Variants in OPCML observed in about 807,000 individuals in gnomAD.
OPCML encodes opioid-binding protein/cell adhesion molecule.
A neutral mutation model predicts 37.8 loss-of-function variants in OPCML; 13 were observed. The ratio of observed to expected loss-of-function variants is 0.34; its 90% confidence interval spans 0.22 to 0.55. OPCML has a LOEUF of 0.55. OPCML is among the 20% of genes least tolerant of loss of function. OPCML has a pLI of 0.91. For synonymous variants in OPCML, 176 were observed against 168.8 expected, an observed-to-expected ratio of 1.04 and a Z score of -0.33; for missense variants, 341 against 435.6, an observed-to-expected ratio of 0.78 and a Z score of 1.93.
intron 1 of OPCML, among the ~76,000 whole-genome samples, chr11:133,144,603 G>A (rs956622265): frequency 6.6e-6 from 1 of 152,192 alleles, no homozygotes; most frequent in East Asian, 1.9e-4. Context: ...CACAGTCAAA[G>A]CTTCGTAAGC....
chr11:132,817,677 A>T (rs1939709968), intron 2 of OPCML, among the ~76,000 whole-genome samples: 1 of 152,104 alleles, frequency 6.6e-6, no homozygotes, highest in African/African-American at 2.4e-5. Flanking sequence ...AGGGCTTTGA[A>T]TTTAAATTTT....
chr11:133,244,178 C>T (rs890593688), intron 1 of OPCML, among the ~76,000 whole-genome samples: 13 of 152,142 alleles, frequency 8.5e-5, no homozygotes, highest in Admixed American at 3.3e-4. Context: ...TCAGACTATC[C>T]GGCTTGGAAT....
chr11:132,908,877 T>C (rs1039193247), intron 2 of OPCML, among the ~76,000 whole-genome samples: 2 of 152,248 alleles, frequency 1.3e-5, no homozygotes, highest in Admixed American at 1.3e-4. Context: ...CCTTCAGACC[T>C]GCAGGATTGA....
intron 2 of OPCML, among the ~76,000 whole-genome samples, chr11:132,828,463 A>G (rs1940495337): frequency 6.6e-6 from 1 of 152,160 alleles, no homozygotes; most frequent in African/African-American, 2.4e-5. Flanking sequence ...GCAGAATGTT[A>G]ATGGAGGAAG....
chr11:133,173,331 A>C lies in OPCML; in HGVS notation c.62-230321T>G, dbSNP rs889558302. Among the ~76,000 whole-genome samples the C allele has an allele frequency of 6.6e-6, 1 of 152,232 alleles. No individual in the cohort carries two copies. The highest frequency in any genetic ancestry group is 2.4e-5 in the African/African-American group (1 of 41,470). ...ATGTTTAATATCTGTCTCTACTTGT[A>C]GACCCCAACATTCTTGGAGTCTGAG... is the stretch of plus-strand genomic sequence containing the variant. On this transcript the variant is annotated intron_variant, in intron 1 of 7. Coordinates refer to ENST00000524381, the MANE Select transcript of OPCML (RefSeq NM_001012393.5). The surrounding 1 kb of genome is among the most constrained non-coding windows in gnomAD (Gnocchi z 7.8).
At chr11:132,691,777 A>G (rs1046320894) in intron 2 of OPCML, among the ~76,000 whole-genome samples, 24 of 152,138 alleles carry the variant, frequency 1.6e-4, no homozygotes, top group African/African-American at 5.6e-4. Flanking sequence ...ATGTTCATCT[A>G]CTCAGCATGA....
intron 1 of OPCML, among the ~76,000 whole-genome samples, chr11:133,084,260 C>A (rs1005291229): frequency 6.6e-6 from 1 of 152,116 alleles, no homozygotes; most frequent in African/African-American, 2.4e-5. Context: ...CCAAAGCCCA[C>A]CCCCCAGACA....
chr11:132,441,165 G>GTTTTTTTTT (rs68143578), intron 4 of OPCML, among the ~76,000 whole-genome samples: 7 of 72,398 alleles, frequency 9.7e-5, no homozygotes, highest in East Asian at 4.1e-4. Flanking sequence ...GGACTTTTTT[G>GTTTTTTTTT]TTTTTTTTTT....
At chr11:132,425,764 T>A (rs1427478686) in intron 7 of OPCML, among the ~76,000 whole-genome samples, 1 of 152,212 alleles carries the variant, frequency 6.6e-6, no homozygotes, top group East Asian at 1.9e-4. Flanking sequence ...TTCTCCCTTC[T>A]GGAAAGGCCT....
intron 1 of OPCML, among the ~76,000 whole-genome samples, chr11:133,378,692 C>A (rs1428228630): frequency 6.7e-6 from 1 of 150,162 alleles, no homozygotes; most frequent in East Asian, 1.9e-4. Context: ...TTCTTTCTTT[C>A]TTTTTTTCCT....
chr11:133,351,765 T>TCA (rs145511527), intron 1 of OPCML, among the ~76,000 whole-genome samples: 174 of 151,034 alleles, frequency 1.2e-3, no homozygotes, highest in East Asian at 3.9e-3. Context: ...TTCTCATACT[T>TCA]CACACACACA....
chr11:133,015,403 G>GGAAGGAAGGAAGGAAT (rs1947307917), intron 1 of OPCML, among the ~76,000 whole-genome samples: 3 of 76,968 alleles, frequency 3.9e-5, no homozygotes, highest in South Asian at 4.9e-4. Context: ...AATGAAGGAA[G>GGAAGGAAGGAAGGAAT]GAAGGAAGGA....
chr11:133,439,274 G>A (rs1259831406), intron 1 of OPCML: 1 of 978,006 alleles, frequency 1.0e-6, no homozygotes, highest in Non-Finnish European at 1.2e-6. Flanking sequence ...CCCTGTTGGT[G>A]TCCAGAGAGT....
intron 2 of OPCML, among the ~76,000 whole-genome samples, chr11:132,848,928 G>T (rs1941675368): frequency 6.6e-6 from 1 of 152,304 alleles, no homozygotes; most frequent in South Asian, 2.1e-4. Flanking sequence ...GCAGGATGTT[G>T]CTGGGCGAAG....
At chr11:132,740,750 T>G (rs370573365) in intron 2 of OPCML, among the ~76,000 whole-genome samples, 33 of 152,292 alleles carry the variant, frequency 2.2e-4, no homozygotes, top group African/African-American at 7.9e-4. Context: ...GGAGGCATTA[T>G]GAAAGCAAGA....
chr11:132,766,099 T>TAA (rs149991877), intron 2 of OPCML, among the ~76,000 whole-genome samples: 39,738 of 148,688 alleles, frequency 0.27, 6,211 homozygotes, highest in East Asian at 0.77. Context: ...GCTTATAATT[T>TAA]AAAAAAAAAA....
At chr11:132,847,008 C>A (rs1375241569) in intron 2 of OPCML, among the ~76,000 whole-genome samples, 1 of 152,184 alleles carries the variant, frequency 6.6e-6, no homozygotes, top group Non-Finnish European at 1.5e-5. Flanking sequence ...GATGTTCCCC[C>A]CAATGCCTGT....
chr11:133,519,881 A>G (rs905213663), intron 1 of OPCML, among the ~76,000 whole-genome samples: 1 of 152,160 alleles, frequency 6.6e-6, no homozygotes, highest in Non-Finnish European at 1.5e-5. Context: ...ATGAAATTTG[A>G]CCACATCAAC....
chr11:133,299,088 C>T (rs1201476000), intron 1 of OPCML: 2 of 152,050 alleles, frequency 1.3e-5, no homozygotes, highest in East Asian at 1.9e-4. Flanking sequence ...CAATTATGAC[C>T]CAAATGCACC....
Sources: gnomAD v4.1 joint callset for allele counts (sites outside exome capture counted in the v4.1 genomes callset) on GRCh38, gnomAD v4.1.1 for gene constraint, Gnocchi (gnomAD v3.1) non-coding constraint, MANE v1.5 for transcripts, NCBI Gene and HGNC (gene_info 2026-07-23, HGNC 2026-07-21) for gene names.